CFAP299: variants seen among roughly 807,000 people sequenced by gnomAD.
CFAP299 encodes cilia- and flagella-associated protein 299.
CFAP299 carries 21 observed loss-of-function variants against 27.0 expected under a neutral mutation model. The observed-to-expected ratio is 0.78, with a 90% CI of 0.55 to 1.12. The LOEUF is 1.12. Among genes scored for constraint, CFAP299 ranks in the 50% most tolerant of loss-of-function variants. CFAP299 has a pLI of 0.00. For missense variants in CFAP299, 310 were observed against 276.6 expected, an observed-to-expected ratio of 1.12 and a Z score of -0.86; for synonymous variants, 104 against 98.1, an observed-to-expected ratio of 1.06 and a Z score of -0.36.
chr4:80,824,607 A>G (rs1729884039), intron 3 of CFAP299, among the ~76,000 whole-genome samples: 1 of 152,142 alleles, frequency 6.6e-6, no homozygotes, highest in Non-Finnish European at 1.5e-5. Flanking sequence ...TATTTAAAAG[A>G]CCAGGATATG....
At chr4:80,864,479 T>C (rs1161491570) in intron 3 of CFAP299, among the ~76,000 whole-genome samples, 3 of 146,290 alleles carry the variant, frequency 2.1e-5, no homozygotes, top group South Asian at 2.1e-4. Flanking sequence ...CCTATGTGTA[T>C]ACATATATAC....
intron 4 of CFAP299, among the ~76,000 whole-genome samples, chr4:80,920,825 T>C (rs1470841449): frequency 6.6e-6 from 1 of 152,116 alleles, no homozygotes; most frequent in African/African-American, 2.4e-5. Flanking sequence ...AGGATTTTTA[T>C]TCTGGACTAT....
chr4:80,335,804 T>C lies in CFAP299; in HGVS notation c.36T>C (p.Asn12=). 1 of 1,613,724 alleles carries C rather than the reference T, an allele frequency of 6.2e-7. No homozygotes were observed. Among genetic ancestry groups the C allele is most frequent in the Non-Finnish European group, 8.5e-7 (1 of 1,179,628 alleles). The change falls in exon 1 of 6, where the codon AAT becomes AAC. Residue 12 remains asparagine (N), a synonymous_variant. Transcript: ENST00000358105. The part of the protein sequence containing the change: ...DQEEGLKALD[N]IVTQFNAYED... ...AAGAGGGGCTGAAGGCCTTGGACAATATTGTCACTCAATTCAACGCCTATG... is the reference window on the plus strand; with the variant it reads ...AAGAGGGGCTGAAGGCCTTGGACAACATTGTCACTCAATTCAACGCCTATG...
At position 80,610,643 on chromosome 4, in the gene CFAP299, G is replaced by A. The variant is rs114998668; in HGVS notation, c.333+27460G>A. Among the ~76,000 whole-genome samples the A allele has an allele frequency of 6.8e-3, 1,036 of 152,064 alleles. 17 individuals are homozygous for A. The highest frequency in any genetic ancestry group is 0.024 in the African/African-American group (995 of 41,486). On this transcript the variant is annotated intron_variant, in intron 3 of 5. Coordinates refer to ENST00000358105, the MANE Select transcript of CFAP299 (RefSeq NM_152770.3). The stretch of plus-strand genomic sequence containing the variant: ...CCATTTAAAGAACTTTTTAAAAAAA[G>A]TTTTCATCAAAATGGACCTAAAGCT...
At chr4:80,626,387 C>A (rs907481438) in intron 3 of CFAP299, among the ~76,000 whole-genome samples, 12 of 151,724 alleles carry the variant, frequency 7.9e-5, no homozygotes, top group Non-Finnish European at 1.0e-4. Flanking sequence ...AAAAGCAGTT[C>A]TAAGAAGGAA....
intron 3 of CFAP299, among the ~76,000 whole-genome samples, chr4:80,641,531 A>G (rs1449717655): frequency 6.6e-6 from 1 of 152,154 alleles, no homozygotes; most frequent in Non-Finnish European, 1.5e-5. Flanking sequence ...CAAGTTCAAA[A>G]TGGTATTTAG....
chr4:80,493,763 T>C (rs1388238446), intron 2 of CFAP299, among the ~76,000 whole-genome samples: 1 of 83,892 alleles, frequency 1.2e-5, no homozygotes, highest in East Asian at 4.3e-4. Flanking sequence ...CATATTCTTT[T>C]TTTTTTTTTT....
Position 80,545,195 on chromosome 4 carries a change from A to G in CFAP299, c.243-37898A>G, listed in dbSNP as rs149150488. On this transcript the variant is annotated intron_variant, in intron 2 of 5. Coordinates refer to ENST00000358105, the MANE Select transcript of CFAP299 (RefSeq NM_152770.3). ...ATAAAAGAATCTTTGGGACACAGCT[A>G]ATGCAGTGTTAAGAGGAAAGTTTAC... Among the ~76,000 whole-genome samples, 367 of 152,300 alleles carry G rather than the reference A, an allele frequency of 2.4e-3. 3 individuals carry two copies. Among genetic ancestry groups the G allele is most frequent in the African/African-American group, 8.2e-3 (341 of 41,576 alleles).
chr4:80,502,865 T>A (rs902379286), intron 2 of CFAP299, among the ~76,000 whole-genome samples: 2 of 152,142 alleles, frequency 1.3e-5, no homozygotes, highest in Non-Finnish European at 2.9e-5. Flanking sequence ...CTCAGGACTC[T>A]GGTTTACCCA....
chr4:80,717,973 T>C (rs1018549228), intron 3 of CFAP299, among the ~76,000 whole-genome samples: 4 of 152,254 alleles, frequency 2.6e-5, no homozygotes, highest in African/African-American at 9.6e-5. Context: ...TTCTGGTATC[T>C]ATTATTTTTC....
intron 2 of CFAP299, among the ~76,000 whole-genome samples, chr4:80,528,223 C>T (rs1049132888): frequency 6.6e-6 from 1 of 152,062 alleles, no homozygotes; most frequent in Non-Finnish European, 1.5e-5. Flanking sequence ...ATTCTTCTAA[C>T]CCTTTTTTGA....
At chr4:80,821,662 C>T (rs1053950262) in intron 3 of CFAP299, among the ~76,000 whole-genome samples, 12 of 152,124 alleles carry the variant, frequency 7.9e-5, no homozygotes, top group Admixed American at 6.5e-4. Flanking sequence ...AAACCCCAGA[C>T]CCTAAAAGTT....
At chr4:80,638,759 G>T (rs369930247) in intron 3 of CFAP299, among the ~76,000 whole-genome samples, 6 of 152,290 alleles carry the variant, frequency 3.9e-5, no homozygotes, top group African/African-American at 1.4e-4. Flanking sequence ...CATCATGGGT[G>T]CCTGCAGTCA....
chr4:80,638,993 G>A (rs1739589837), intron 3 of CFAP299, among the ~76,000 whole-genome samples: 1 of 152,142 alleles, frequency 6.6e-6, no homozygotes, highest in African/African-American at 2.4e-5. Flanking sequence ...TAATGGAGCA[G>A]AAAGAGAGAG....
chr4:80,350,541 C>T (rs1311820799), intron 1 of CFAP299, among the ~76,000 whole-genome samples: 1 of 152,132 alleles, frequency 6.6e-6, no homozygotes, highest in African/African-American at 2.4e-5. Context: ...ACCCAAATGC[C>T]ACCAATGATA....
chr4:80,960,766 T>A (rs1738304704), intron 5 of CFAP299, among the ~76,000 whole-genome samples: 1 of 151,844 alleles, frequency 6.6e-6, no homozygotes, highest in African/African-American at 2.4e-5. Context: ...GGCTGATAAT[T>A]AAGAATTGCC....
chr4:80,861,761 A>C (rs565461072), intron 3 of CFAP299, among the ~76,000 whole-genome samples: 1 of 152,316 alleles, frequency 6.6e-6, no homozygotes, highest in African/African-American at 2.4e-5. Context: ...TATTCTAATA[A>C]AAAATAATGC....
chr4:80,914,972 C>T (rs1735671742), intron 4 of CFAP299, among the ~76,000 whole-genome samples: 1 of 151,802 alleles, frequency 6.6e-6, no homozygotes. Context: ...TTTATTTCTT[C>T]TTTTATGTTT....
chr4:80,575,330 A>ATT (rs1198785280), intron 2 of CFAP299, among the ~76,000 whole-genome samples: 6 of 145,930 alleles, frequency 4.1e-5, no homozygotes, highest in African/African-American at 1.2e-4. Context: ...CTTTCATTAA[A>ATT]TTTTTTTTTT....
Sources: allele counts gnomAD v4.1 joint callset (sites outside exome capture counted in the v4.1 genomes callset), GRCh38; gene constraint gnomAD v4.1.1; transcripts MANE v1.5; gene names NCBI Gene and HGNC (gene_info 2026-07-23, HGNC 2026-07-21).